Variants in ERVV-2 observed in about 807,000 individuals in gnomAD.
The protein encoded by ERVV-2 is endogenous retrovirus group V member 2 Env polyprotein.
For synonymous variants in ERVV-2, 105 were observed against 184.6 expected, an observed-to-expected ratio of 0.57 and a Z score of 3.49; for missense variants, 291 against 495.1, an observed-to-expected ratio of 0.59 and a Z score of 3.91.
chr19:53,046,226 C>T (rs1035199273), intron 1 of ERVV-2, among the ~76,000 whole-genome samples: 8 of 152,046 alleles, frequency 5.3e-5, no homozygotes, highest in Admixed American at 2.0e-4. Context: ...CGCACCATTG[C>T]ACTCCAGCCT....
Position 53,050,534 on chromosome 19 carries a change from C to T in ERVV-2, c.1283C>T (p.Thr428Met), listed in dbSNP as rs968183859. Residue 428 changes from threonine (T) to methionine (M), a missense_variant, in exon 2 of 2, where the codon ACG (threonine) becomes ATG (methionine). Thr to Met is a moderately conservative substitution (Grantham distance 81, BLOSUM62 -1). Coordinates refer to ENST00000601417, the MANE Select transcript of ERVV-2 (RefSeq NM_001191055.2). ...EDIKKIYDEA[T>M]WLHDFGKGGA... ...ATAAAAAAGATCTATGATGAGGCTACGTGGCTCCATGACTTTGGAAAAGGA... is the reference window on the plus strand; with the variant it reads ...ATAAAAAAGATCTATGATGAGGCTATGTGGCTCCATGACTTTGGAAAAGGA... 15 of 742,086 alleles carry T rather than the reference C, an allele frequency of 2.0e-5. No individual in the cohort carries two copies. The highest frequency in any genetic ancestry group is 3.1e-5 in the Non-Finnish European group (13 of 420,826). 46.0% of individuals were successfully genotyped at this position (742,086 alleles called of 1,614,324 possible).
intron 1 of ERVV-2, among the ~76,000 whole-genome samples, chr19:53,046,681 C>G (rs954260334): frequency 3.9e-5 from 6 of 152,192 alleles, no homozygotes; most frequent in Admixed American, 1.3e-4. Flanking sequence ...CCCCAAGGAA[C>G]CTTTTAAGAG....
At position 53,050,535 on chromosome 19, in the gene ERVV-2, G is replaced by A. The variant is rs1264795915; in HGVS notation, c.1284G>A (p.Thr428=). 4.8e-5 allele frequency: 36 copies of A among 742,652 alleles called. No individual in the cohort carries two copies. Among genetic ancestry groups the A allele is most frequent in the Middle Eastern group, 2.2e-4 (1 of 4,494 alleles). The allele number at this position is 742,652 out of a possible 1,614,324, so 46.0% of individuals were successfully genotyped here. The change falls in exon 2 of 2, where the codon ACG becomes ACA. Residue 428 remains threonine, a synonymous_variant. Transcript: ENST00000601417. ...EDIKKIYDEA[T]WLHDFGKGGA... ...TAAAAAAGATCTATGATGAGGCTAC[G>A]TGGCTCCATGACTTTGGAAAAGGAG...
Position 53,051,135 on chromosome 19 carries a change from G to GTT in ERVV-2, c.*276_*277insTT. 8.2e-6 allele frequency: 1 copy of GTT among 122,000 alleles called. No homozygotes were observed. The highest frequency in any genetic ancestry group is 1.4e-5 in the Non-Finnish European group (1 of 71,768). 7.6% of individuals were successfully genotyped at this position (122,000 alleles called of 1,614,324 possible). Reference sequence around the variant, plus strand: ...ATAACCCATCCTAGAACAGCCTTTTGCTTTTTTTTTTTTTTTTTTTTTTTT... The same window carrying GTT: ...ATAACCCATCCTAGAACAGCCTTTTGTTCTTTTTTTTTTTTTTTTTTTTTTTT... On this transcript the variant is annotated 3_prime_UTR_variant, in exon 2 of 2. Coordinates refer to ENST00000601417, the MANE Select transcript of ERVV-2 (RefSeq NM_001191055.2).
intron 1 of ERVV-2, among the ~76,000 whole-genome samples, chr19:53,047,313 A>G (rs1337040614): frequency 6.6e-6 from 1 of 152,160 alleles, no homozygotes; most frequent in East Asian, 1.9e-4. Context: ...GCGCCACTGC[A>G]CTCCAGCCTG....
At chr19:53,045,199 C>T (rs1446751309) in intron 1 of ERVV-2, among the ~76,000 whole-genome samples, 1 of 152,202 alleles carries the variant, frequency 6.6e-6, no homozygotes, top group Non-Finnish European at 1.5e-5. Flanking sequence ...AGGATTTAAA[C>T]TCCACAGTGA....
intron 1 of ERVV-2, among the ~76,000 whole-genome samples, chr19:53,048,424 T>C (rs2083898931): frequency 6.7e-6 from 1 of 149,850 alleles, no homozygotes; most frequent in African/African-American, 2.5e-5. Context: ...ATGCCTGTAA[T>C]CCCAGTACTT....
chr19:53,049,980 C>G lies in ERVV-2; in HGVS notation c.729C>G (p.His243Gln). ...KSQLHKWFDS[H>Q]IPRWACTPPG... Reference sequence around the variant, plus strand: ...AGTTACACAAGTGGTTCGACAGCCACATCCCCCGGTGGGCCTGTACCCCTC... The same window carrying G: ...AGTTACACAAGTGGTTCGACAGCCAGATCCCCCGGTGGGCCTGTACCCCTC... Residue 243 changes from histidine (H) to glutamine (Q), a missense_variant, in exon 2 of 2, where the codon CAC (histidine) becomes CAG (glutamine). By Grantham distance (24) the His-to-Gln change is conservative. Coordinates refer to ENST00000601417, the MANE Select transcript of ERVV-2 (RefSeq NM_001191055.2). 1 of 1,508,464 alleles carries G rather than the reference C, an allele frequency of 6.6e-7. No individual in the cohort carries two copies. Among genetic ancestry groups the G allele is most frequent in the Non-Finnish European group, 8.8e-7 (1 of 1,131,610 alleles). 93.4% of individuals were successfully genotyped at this position (1,508,464 alleles called of 1,614,324 possible). A position where few individuals can be genotyped will look rare whatever the true frequency, so the allele number is the denominator to read the frequency against.
In ERVV-2 at chr19:53,050,706, C is replaced by T. The variant is rs553135248; in HGVS notation, c.1455C>T (p.Val485=). Residue 485 remains valine, a synonymous_variant, in exon 2 of 2, where the codon GTC becomes GTT. Transcript: ENST00000601417. ...TCTTTAATTTACTGATTAAGTGTGT[C>T]TCTTCTAGGATAAAGCAATTTCACA... ...PCFFNLLIKC[V]SSRIKQFHMK... The T allele has an allele frequency of 6.5e-7, 1 of 1,533,764 alleles. No individual in the cohort carries two copies. The highest frequency in any genetic ancestry group is 2.4e-5 in the East Asian group (1 of 40,908).
intron 1 of ERVV-2, among the ~76,000 whole-genome samples, chr19:53,046,177 G>A (rs1471188132): frequency 2.6e-5 from 4 of 151,952 alleles, no homozygotes; most frequent in Non-Finnish European, 4.4e-5. Context: ...CAGGAGAATC[G>A]CTTGAACCCG....
intron 1 of ERVV-2, among the ~76,000 whole-genome samples, chr19:53,046,575 T>C (rs191236226): frequency 2.0e-5 from 3 of 152,228 alleles, no homozygotes; most frequent in African/African-American, 7.2e-5. Flanking sequence ...TATGTGATCA[T>C]ATAATGGACT....
In ERVV-2 at chr19:53,049,996, T is replaced by C. The variant is rs2083905658; in HGVS notation, c.745T>C (p.Cys249Arg). 1 of 1,501,754 alleles carries C rather than the reference T, an allele frequency of 6.7e-7. No homozygotes were observed. 93.0% of individuals were successfully genotyped at this position (1,501,754 alleles called of 1,614,324 possible). A position where few individuals can be genotyped will look rare whatever the true frequency, so the allele number is the denominator to read the frequency against. ...CGACAGCCACATCCCCCGGTGGGCC[T>C]GTACCCCTCCTGGCTATGTATTTTT... ...WFDSHIPRWA[C>R]TPPGYVFLCG... is the part of the protein sequence containing the mutation. Residue 249 changes from cysteine (C) to arginine (R), a missense_variant, in exon 2 of 2, where the codon TGT (cysteine) becomes CGT (arginine). By Grantham distance (180) the Cys-to-Arg change is radical. Coordinates refer to ENST00000601417, the MANE Select transcript of ERVV-2 (RefSeq NM_001191055.2).
intron 1 of ERVV-2, among the ~76,000 whole-genome samples, chr19:53,047,812 C>G (rs2083896735): frequency 1.3e-5 from 2 of 152,160 alleles, no homozygotes; most frequent in Admixed American, 1.3e-4. Context: ...CCTGGATCCC[C>G]TTGGAATCTG....
intron 1 of ERVV-2, among the ~76,000 whole-genome samples, chr19:53,045,270 C>T (rs146297112): frequency 0.012 from 1,873 of 152,008 alleles, 12 homozygotes; most frequent in Middle Eastern, 0.027. Flanking sequence ...GCAGGGAATA[C>T]GCCTGGCTGT....
intron 1 of ERVV-2, among the ~76,000 whole-genome samples, chr19:53,046,120 G>T (rs542768165): frequency 1.1e-4 from 17 of 151,974 alleles, no homozygotes; most frequent in Non-Finnish European, 5.9e-5. Context: ...AAATTAGCCG[G>T]GCGTGGTGGC....
At chr19:53,048,372 T>A (rs189250553) in intron 1 of ERVV-2, among the ~76,000 whole-genome samples, 13 of 148,440 alleles carry the variant, frequency 8.8e-5, no homozygotes, top group Non-Finnish European at 1.3e-4. Context: ...CAATACTACA[T>A]CTCAAAAAAA....
intron 1 of ERVV-2, among the ~76,000 whole-genome samples, chr19:53,045,908 T>C (rs931324015): frequency 6.6e-6 from 1 of 152,170 alleles, no homozygotes; most frequent in Non-Finnish European, 1.5e-5. Context: ...AGCTTTGTCC[T>C]TTCCCTTGCC....
At position 53,050,282 on chromosome 19, in the gene ERVV-2, A is replaced by G; in HGVS notation, c.1031A>G (p.Tyr344Cys). The G allele has an allele frequency of 1.4e-6, 1 of 738,620 alleles. No individual in the cohort carries two copies. The highest frequency in any genetic ancestry group is 2.4e-6 in the Non-Finnish European group (1 of 419,752). The allele number at this position is 738,620 out of a possible 1,614,324, so 45.8% of individuals were successfully genotyped here. A position where few individuals can be genotyped will look rare whatever the true frequency, so the allele number is the denominator to read the frequency against. Reference protein sequence around the residue: ...GMIAPWGGFTYHDVTLRNLSR... With the variant: ...GMIAPWGGFTCHDVTLRNLSR... ...ATCGCCCCATGGGGAGGGTTCACTT[A>G]TCATGATGTCACCCTCAGAAATCTC... Residue 344 changes from tyrosine (Y) to cysteine (C), a missense_variant, in exon 2 of 2, where the codon TAT (tyrosine) becomes TGT (cysteine). Coordinates refer to ENST00000601417, the MANE Select transcript of ERVV-2 (RefSeq NM_001191055.2).
Position 53,051,148 on chromosome 19 carries a change from T to C in ERVV-2, c.*289T>C. ...GAACAGCCTTTTGCTTTTTTTTTTT[T>C]TTTTTTTTTTTTTTTTGAGACAAGT... On this transcript the variant is annotated 3_prime_UTR_variant, in exon 2 of 2. Transcript: ENST00000601417. 1 of 100,800 alleles carries C rather than the reference T, an allele frequency of 9.9e-6. No individual in the cohort carries two copies. Among genetic ancestry groups the C allele is most frequent in the Non-Finnish European group, 2.0e-5 (1 of 50,104 alleles). The allele number at this position is 100,800 out of a possible 1,614,324, so 6.2% of individuals were successfully genotyped here.
Sources: gnomAD v4.1 joint callset for allele counts (sites outside exome capture counted in the v4.1 genomes callset) on GRCh38, gnomAD v4.1.1 for gene constraint, MANE v1.5 for transcripts, NCBI Gene and HGNC (gene_info 2026-07-23, HGNC 2026-07-21) for gene names.